TMCO4: variants seen among roughly 807,000 people sequenced by gnomAD.
The protein encoded by TMCO4 is transmembrane and coiled-coil domain-containing protein 4.
TMCO4 carries 58 observed loss-of-function variants against 64.7 expected under a neutral mutation model. The observed-to-expected ratio is 0.90, with a 90% CI of 0.73 to 1.12. The LOEUF is 1.12. Ranked by LOEUF, TMCO4 falls within the 50% of genes most tolerant of loss-of-function variation. The pLI, the probability that TMCO4 is intolerant of heterozygous loss-of-function variation, is 0.00. For synonymous variants in TMCO4, 325 were observed against 346.1 expected, an observed-to-expected ratio of 0.94 and a Z score of 0.68; for missense variants, 780 against 825.9, an observed-to-expected ratio of 0.94 and a Z score of 0.68.
At chr1:19,794,509 A>C (rs934052647) in intron 2 of TMCO4, among the ~76,000 whole-genome samples, 3 of 152,226 alleles carry the variant, frequency 2.0e-5, no homozygotes, top group Non-Finnish European at 2.9e-5. Flanking sequence ...CAAAGTTTGT[A>C]ATAGTCCATT....
chr1:19,750,893 C>T (rs2041997423), intron 7 of TMCO4, among the ~76,000 whole-genome samples: 2 of 152,228 alleles, frequency 1.3e-5, no homozygotes, highest in African/African-American at 4.8e-5. Flanking sequence ...CCTTAACCCT[C>T]TGTGCCACAT....
intron 13 of TMCO4, among the ~76,000 whole-genome samples, chr1:19,716,165 T>TTATTATTA (rs2095354951): frequency 1.4e-5 from 2 of 144,902 alleles, no homozygotes; most frequent in African/African-American, 2.5e-5. Flanking sequence ...TTATTTTTAT[T>TTATTATTA]TTATTATTAT....
At chr1:19,754,336 T>C (rs970039918) in intron 7 of TMCO4, among the ~76,000 whole-genome samples, 1 of 152,228 alleles carries the variant, frequency 6.6e-6, no homozygotes, top group Non-Finnish European at 1.5e-5. Flanking sequence ...GCCCTCGTGA[T>C]TATGGTAATT....
intron 2 of TMCO4, among the ~76,000 whole-genome samples, chr1:19,787,579 G>A (rs981870674): frequency 6.6e-6 from 1 of 152,152 alleles, no homozygotes; most frequent in Non-Finnish European, 1.5e-5. Flanking sequence ...CTCCCTAAAG[G>A]CACTCCCTTT....
At chr1:19,718,433 G>A (rs2100724101) in intron 13 of TMCO4, among the ~76,000 whole-genome samples, 1 of 151,712 alleles carries the variant, frequency 6.6e-6, no homozygotes, top group African/African-American at 2.4e-5. Flanking sequence ...TGGGAGGATC[G>A]CTTGAGGCCA....
chr1:19,765,934 C>T (rs778839277), intron 6 of TMCO4, among the ~76,000 whole-genome samples: 1 of 152,248 alleles, frequency 6.6e-6, no homozygotes, highest in Non-Finnish European at 1.5e-5. Flanking sequence ...CCATCAATCT[C>T]TGTAGAAGGA....
At chr1:19,705,532 G>A (rs2095298334) in intron 13 of TMCO4, among the ~76,000 whole-genome samples, 1 of 150,106 alleles carries the variant, frequency 6.7e-6, no homozygotes, top group Non-Finnish European at 1.5e-5. Flanking sequence ...ATAAAAAAAA[G>A]AATTGCAAAA....
chr1:19,772,850 G>A (rs1466133628), intron 4 of TMCO4, among the ~76,000 whole-genome samples: 1 of 152,204 alleles, frequency 6.6e-6, no homozygotes, highest in Non-Finnish European at 1.5e-5. Context: ...ACATTCCTTA[G>A]AGTGGGACCG....
chr1:19,688,410 C>T (rs1289186633), intron 15 of TMCO4, among the ~76,000 whole-genome samples: 6 of 152,180 alleles, frequency 3.9e-5, no homozygotes, highest in African/African-American at 1.4e-4. Flanking sequence ...CAGAGGCTGC[C>T]ATCACCCACC....
intron 13 of TMCO4, among the ~76,000 whole-genome samples, chr1:19,702,882 T>A (rs1363445225): frequency 1.3e-5 from 2 of 152,252 alleles, no homozygotes; most frequent in African/African-American, 2.4e-5. Context: ...AGTTCCCAGA[T>A]GGGCATGTGG....
In TMCO4 at chr1:19,746,574, G is replaced by A. The variant is rs1268697190; in HGVS notation, c.639C>T (p.Pro213=). The A allele has an allele frequency of 3.7e-6, 6 of 1,610,982 alleles. No homozygotes were observed. Among genetic ancestry groups the A allele is most frequent in the African/African-American group, 1.3e-5 (1 of 75,036 alleles). The change falls in exon 9 of 16, where the codon CCC becomes CCT. Residue 213 remains proline, a synonymous_variant. Coordinates refer to ENST00000294543, the MANE Select transcript of TMCO4 (RefSeq NM_181719.7). ...TCGTCGCTGCTCCAGCGGCAACAAGGGGTGCAGCTAGACCTCCAGTCACAC... is the reference window on the plus strand; with the variant it reads ...TCGTCGCTGCTCCAGCGGCAACAAGAGGTGCAGCTAGACCTCCAGTCACAC... ...VIGVTGGLAA[P]LVAAGAATII...
chr1:19,798,756 G>T (rs2044457270), intron 1 of TMCO4, among the ~76,000 whole-genome samples: 1 of 152,200 alleles, frequency 6.6e-6, no homozygotes, highest in African/African-American at 2.4e-5. Flanking sequence ...GAAGGGCAGG[G>T]CTTTATTCCA....
chr1:19,752,813 T>C (rs916478549), intron 7 of TMCO4, among the ~76,000 whole-genome samples: 13 of 151,700 alleles, frequency 8.6e-5, no homozygotes, highest in Non-Finnish European at 1.8e-4. Context: ...CTGACTTTAT[T>C]TCTTTATTTG....
At chr1:19,755,087 C>T (rs1364215081) in intron 7 of TMCO4, among the ~76,000 whole-genome samples, 1 of 152,134 alleles carries the variant, frequency 6.6e-6, no homozygotes, top group Non-Finnish European at 1.5e-5. Context: ...GTTAAAGTCA[C>T]AGATTCAAGG....
intron 2 of TMCO4, among the ~76,000 whole-genome samples, chr1:19,789,480 G>A (rs2043919171): frequency 6.6e-6 from 1 of 152,118 alleles, no homozygotes; most frequent in Non-Finnish European, 1.5e-5. Flanking sequence ...ACATCAAAAT[G>A]TTTATGATCA....
chr1:19,721,573 A>G (rs768508377), intron 13 of TMCO4, among the ~76,000 whole-genome samples: 7 of 152,056 alleles, frequency 4.6e-5, no homozygotes, highest in Non-Finnish European at 8.8e-5. Flanking sequence ...TGGATCGCTC[A>G]AGCTCAGGAG....
At chr1:19,790,393 G>A (rs949919463) in intron 2 of TMCO4, among the ~76,000 whole-genome samples, 1 of 152,094 alleles carries the variant, frequency 6.6e-6, no homozygotes, top group Non-Finnish European at 1.5e-5. Context: ...CCTACAGAGT[G>A]GGAGAAAGTT....
intron 2 of TMCO4, among the ~76,000 whole-genome samples, chr1:19,793,814 C>T (rs2044173278): frequency 6.6e-6 from 1 of 152,194 alleles, no homozygotes; most frequent in Admixed American, 6.5e-5. Context: ...TCTCTTCCTT[C>T]TCCTGCCTGC....
At chr1:19,693,973 T>G (rs1883567) in intron 15 of TMCO4, among the ~76,000 whole-genome samples, 110,793 of 151,826 alleles carry the variant, frequency 0.73, 41,395 homozygotes, top group Non-Finnish European at 0.82. Context: ...TCCAATCCTG[T>G]TCCTGTTAAT....
Sources: gnomAD v4.1 joint callset for allele counts (sites outside exome capture counted in the v4.1 genomes callset) on GRCh38, gnomAD v4.1.1 for gene constraint, MANE v1.5 for transcripts, NCBI Gene and HGNC (gene_info 2026-07-23, HGNC 2026-07-21) for gene names.